Variants in ARID4B observed in about 807,000 individuals in gnomAD.
ARID4B encodes AT-rich interactive domain-containing protein 4B.
A neutral mutation model predicts 147.5 loss-of-function variants in ARID4B; 26 were observed. The observed-to-expected ratio is 0.18, with a 90% CI of 0.13 to 0.24. The LOEUF is 0.24. Among genes scored for constraint, ARID4B ranks in the 10% least tolerant of loss-of-function variants. The pLI is 1.00. For missense variants in ARID4B, 1,179 were observed against 1,511.5 expected, an observed-to-expected ratio of 0.78 and a Z score of 3.65; for synonymous variants, 512 against 507.9, an observed-to-expected ratio of 1.01 and a Z score of -0.11.
At chr1:235,253,210 CT>C (rs1669749730) in intron 5 of ARID4B, among the ~76,000 whole-genome samples, 1 of 152,176 alleles carries the variant, frequency 6.6e-6, no homozygotes, top group Non-Finnish European at 1.5e-5. Context: ...CAGACTGCCC[CT>C]TTAAAAAAAT....
chr1:235,185,521 T>A (rs573621765), intron 19 of ARID4B, among the ~76,000 whole-genome samples: 69 of 152,340 alleles, frequency 4.5e-4, no homozygotes, highest in African/African-American at 1.6e-3. Context: ...CGGGGAATCC[T>A]CCTCACTGCT....
At chr1:235,261,865 AT>A (rs1025109744) in intron 2 of ARID4B, among the ~76,000 whole-genome samples, 1 of 152,218 alleles carries the variant, frequency 6.6e-6, no homozygotes, top group Non-Finnish European at 1.5e-5. Flanking sequence ...AAAGTGCTTT[AT>A]AAAAAGTACT....
rs900076406 is a variant in ARID4B at position 235,287,471 on chromosome 1, G to A, written c.7-26719C>T. On this transcript the variant is annotated intron_variant, in intron 2 of 23. Coordinates refer to ENST00000264183, the MANE Select transcript of ARID4B (RefSeq NM_016374.6). ...ACAGTCTCATTGTGTGTTCTGTCTT[G>A]AATGTACCAGAAACTACCAGTGTTC... Among the ~76,000 whole-genome samples, 6 of 152,206 alleles carry A rather than the reference G, an allele frequency of 3.9e-5. No homozygotes were observed. In the South Asian group the frequency reaches 1.0e-3, roughly 26 times the overall value.
rs752097173 is a variant in ARID4B, at chr1:235,213,792, C to A, written c.1818G>T (p.Val606=). 25 of 1,613,710 alleles carry A rather than the reference C, an allele frequency of 1.5e-5. No homozygotes were observed. Among genetic ancestry groups the A allele is most frequent in the Non-Finnish European group, 1.9e-5 (23 of 1,179,886 alleles). The part of the protein sequence containing the change: ...DVEGGEVLYL[V]HYCGWNVRYD... ...ACCTCACATTCCATCCGCAGTAATGCACCAAGTAAAGGACCTCTCCACCTT... is the reference window on the plus strand; with the variant it reads ...ACCTCACATTCCATCCGCAGTAATGAACCAAGTAAAGGACCTCTCCACCTT... Residue 606 remains valine (V), a synonymous_variant, in exon 17 of 24, where the codon GTG becomes GTT. Coordinates refer to ENST00000264183, the MANE Select transcript of ARID4B (RefSeq NM_016374.6).
chr1:235,219,896 G>C lies in ARID4B; in HGVS notation c.1480C>G (p.Pro494Ala), dbSNP rs750021222. 2.5e-6 allele frequency: 4 copies of C among 1,597,808 alleles called. No individual in the cohort carries two copies. Among genetic ancestry groups the C allele is most frequent in the Non-Finnish European group, 2.6e-6 (3 of 1,167,790 alleles). The part of the protein sequence containing the change: ...DQEKEVNIKK[P>A]EDNENLDDKD... ...TCATCCAGATTTTCATTGTCTTCTG[G>C]TTTTTTAATGTTAACTTCTTTTTCC... The change falls in exon 16 of 24, where the codon CCA (proline) becomes GCA (alanine). Residue 494 changes from proline (P) to alanine (A), a missense_variant. Coordinates refer to ENST00000264183, the MANE Select transcript of ARID4B (RefSeq NM_016374.6).
At chr1:235,280,374 G>A (rs1671588231) in intron 2 of ARID4B, among the ~76,000 whole-genome samples, 1 of 152,196 alleles carries the variant, frequency 6.6e-6, no homozygotes, top group African/African-American at 2.4e-5. Context: ...TAACAAACAA[G>A]GTGGAATACA....
chr1:235,267,732 G>T (rs55756931), intron 2 of ARID4B, among the ~76,000 whole-genome samples: 19,672 of 151,850 alleles, frequency 0.13, 1,489 homozygotes, highest in African/African-American at 0.2. Context: ...GTGAAACCCC[G>T]TCTCTACTAA....
intron 6 of ARID4B, among the ~76,000 whole-genome samples, chr1:235,249,614 T>C (rs7547297): frequency 0.13 from 19,929 of 151,432 alleles, 1,519 homozygotes; most frequent in African/African-American, 0.2. Context: ...GCTAACAGAG[T>C]AAAACCCTGT....
chr1:235,227,537 A>G (rs1667904195), intron 11 of ARID4B, among the ~76,000 whole-genome samples: 2 of 152,190 alleles, frequency 1.3e-5, no homozygotes. Flanking sequence ...TTACATACTG[A>G]CCAATTAATT....
intron 2 of ARID4B, among the ~76,000 whole-genome samples, chr1:235,308,454 CCTCCCT>C (rs201033874): frequency 0.022 from 3,287 of 148,008 alleles, 97 homozygotes; most frequent in African/African-American, 0.079. Context: ...TCCCCCTCCC[CCTCCCT>C]CTCCCTATCC....
At chr1:235,292,342 A>G (rs1465717033) in intron 2 of ARID4B, among the ~76,000 whole-genome samples, 1 of 152,184 alleles carries the variant, frequency 6.6e-6, no homozygotes, top group Non-Finnish European at 1.5e-5. Context: ...GGCTGGGTGC[A>G]GTGGCTCACG....
At chr1:235,327,052 G>T in intron 1 of ARID4B, 84 bp from the exon 2 acceptor site, 1 of 943,006 alleles carries the variant, frequency 1.1e-6, no homozygotes, top group Non-Finnish European at 1.6e-6. Context: ...AGCGAGCGAC[G>T]TCCGAACCCC....
chr1:235,325,931 C>A (rs1675202168), intron 2 of ARID4B, among the ~76,000 whole-genome samples: 1 of 152,082 alleles, frequency 6.6e-6, no homozygotes, highest in South Asian at 2.1e-4. Flanking sequence ...ATTCTGAGGA[C>A]AAGTGAAATA....
intron 2 of ARID4B, chr1:235,295,767 G>C (rs945011114): frequency 1.3e-5 from 2 of 152,030 alleles, no homozygotes; most frequent in Non-Finnish European, 2.9e-5. Flanking sequence ...CCAAGATCAC[G>C]CCACTGCACT....
intron 5 of ARID4B, among the ~76,000 whole-genome samples, chr1:235,254,504 TGAA>T (rs1405166780): frequency 6.6e-6 from 1 of 151,800 alleles, no homozygotes; most frequent in Non-Finnish European, 1.5e-5. Flanking sequence ...ATAAAAAATT[TGAA>T]GAATACATTA....
chr1:235,247,373 C>CT (rs1203513580), intron 6 of ARID4B, among the ~76,000 whole-genome samples: 1 of 152,072 alleles, frequency 6.6e-6, no homozygotes, highest in Non-Finnish European at 1.5e-5. Context: ...TGTTATATAA[C>CT]TTTTTTAAAA....
chr1:235,273,595 A>T (rs965567580), intron 2 of ARID4B, among the ~76,000 whole-genome samples: 2 of 152,236 alleles, frequency 1.3e-5, no homozygotes, highest in African/African-American at 4.8e-5. Context: ...GTATACTTGT[A>T]CCTGATAAAA....
intron 11 of ARID4B, 182 bp downstream of exon 11, chr1:235,229,049 G>A: frequency 3.0e-6 from 2 of 660,684 alleles, no homozygotes; most frequent in South Asian, 2.6e-5. Context: ...TATTTCACAA[G>A]ATCATATATC....
At position 235,167,827 on chromosome 1, in the gene ARID4B, A is replaced by T. The variant is rs942256096; in HGVS notation, c.*698T>A. 11 of 189,110 alleles carry T rather than the reference A, an allele frequency of 5.8e-5. No homozygotes were observed. The highest frequency in any genetic ancestry group is 7.8e-5 in the Non-Finnish European group (7 of 89,982). The allele number at this position is 189,110 out of a possible 1,614,324, so 11.7% of individuals were successfully genotyped here. A position where few individuals can be genotyped will look rare whatever the true frequency, so the allele number is the denominator to read the frequency against. ...TTTTCACACAATGTATATCAAAATT[A>T]AAAAAAAATACTGATTTATAGAAAA... On this transcript the variant is annotated 3_prime_UTR_variant, in exon 24 of 24. Coordinates refer to ENST00000264183, the MANE Select transcript of ARID4B (RefSeq NM_016374.6).
Sources: allele counts gnomAD v4.1 joint callset (sites outside exome capture counted in the v4.1 genomes callset), GRCh38; gene constraint gnomAD v4.1.1; transcripts MANE v1.5; gene names NCBI Gene and HGNC (gene_info 2026-07-23, HGNC 2026-07-21).